The following TRPM7 variants were observed in gnomAD, a reference collection of about 807,000 sequenced individuals.
TRPM7 encodes the protein LTRPC ion channel family member 7.
Under a neutral mutation model 229.7 loss-of-function variants are expected in TRPM7, and 134 were observed. That is an observed-to-expected ratio of 0.58 (90% CI 0.51 to 0.67). The LOEUF (loss-of-function observed/expected upper bound fraction) is 0.67, where lower values mean the gene tolerates loss of function less well. TRPM7 is among the 30% of genes least tolerant of loss of function. The pLI is 0.00. For synonymous variants in TRPM7, 699 were observed against 715.2 expected, an observed-to-expected ratio of 0.98 and a Z score of 0.36; for missense variants, 1,901 against 2,210.0, an observed-to-expected ratio of 0.86 and a Z score of 2.80.
Position 50,580,882 on chromosome 15 carries a change from G to C in TRPM7, c.4584C>G (p.Asn1528Lys), listed in dbSNP as rs759608376. The C allele has an allele frequency of 1.3e-6, 2 of 1,584,670 alleles. No homozygotes were observed. The highest frequency in any genetic ancestry group is 1.2e-5 in the South Asian group (1 of 84,708). ...IPDWLQDRPS[N>K]REMPSEEGTL... ...AGAAAAAGCTTACTTACATTTCTCTGTTTGATGGTCTATCTTGTAACCAAT... is the reference window on the plus strand; with the variant it reads ...AGAAAAAGCTTACTTACATTTCTCTCTTTGATGGTCTATCTTGTAACCAAT... Residue 1528 changes from asparagine to lysine, a missense_variant, in exon 30 of 39, where the codon AAC becomes AAG. This residue lies in a region of TRPM7 where 533 missense variants were observed against 497.1 expected (regional missense o/e 1.07). Transcript: ENST00000646667.
chr15:50,607,347 TTACA>T lies in TRPM7; in HGVS notation c.2581-23_2581-20del. The T allele has an allele frequency of 6.6e-7, 1 of 1,524,000 alleles. No individual in the cohort carries two copies. Among genetic ancestry groups the T allele is most frequent in the Non-Finnish European group, 8.8e-7 (1 of 1,133,284 alleles). 94.4% of individuals were successfully genotyped at this position (1,524,000 alleles called of 1,614,324 possible). On this transcript the variant is annotated intron_variant, in intron 19 of 38. Transcript: ENST00000646667. ...ATGCCAACTAATGAAAAAGTAAAGG[TTACA>T]TAAATAACATTGGTTACAAAATAAA...
intron 3 of TRPM7, among the ~76,000 whole-genome samples, chr15:50,657,436 A>C (rs757992999): frequency 6.6e-6 from 1 of 152,112 alleles, no homozygotes; most frequent in Admixed American, 6.6e-5. Context: ...TGAAACTCTC[A>C]TTTTTCCAGG....
chr15:50,564,330 T>C (rs1566928514), intron 38 of TRPM7, among the ~76,000 whole-genome samples: 2 of 146,318 alleles, frequency 1.4e-5, no homozygotes, highest in East Asian at 4.0e-4. Context: ...CAAGTAGAAA[T>C]ATAGGTAGCT....
In TRPM7 at chr15:50,632,866, T is replaced by C. The variant is rs79443717; in HGVS notation, c.1131+3A>G. The stretch of plus-strand genomic sequence containing the variant: ...TTTTAAATTTCTGCTGAAATCTACT[T>C]ACAAGCTCCTTTCTTTTCATGCACT... On this transcript the variant is annotated splice_donor_region_variant and intron_variant, in intron 9 of 38. Transcript: ENST00000646667. 6,828 of 1,520,372 alleles carry C rather than the reference T, an allele frequency of 4.5e-3. 254 individuals are homozygous for C. The African/African-American group carries it at 0.083, about 18-fold the overall frequency. The allele number at this position is 1,520,372 out of a possible 1,614,324, so 94.2% of individuals were successfully genotyped here.
intron 31 of TRPM7, among the ~76,000 whole-genome samples, chr15:50,576,846 C>T (rs1596077943): frequency 6.6e-6 from 1 of 152,348 alleles, no homozygotes; most frequent in Non-Finnish European, 1.5e-5. Flanking sequence ...TGGCTCACAC[C>T]TATCATCATT....
At chr15:50,604,169 G>C (rs2059857509) in intron 21 of TRPM7, 1 of 152,126 alleles carries the variant, frequency 6.6e-6, no homozygotes, top group South Asian at 2.1e-4. Context: ...TTGACATCTA[G>C]ATTTTAAAAA....
rs563497135 is a variant in TRPM7 at position 50,685,356 on chromosome 15, C to T, written c.3+1175G>A. On this transcript the variant is annotated intron_variant, in intron 1 of 38. Transcript: ENST00000646667. ...GCTACAGTCCCAGCTACTCGGGAGC[C>T]TGAGGCAGGAGAATCGCCTGAATCC... Among the ~76,000 whole-genome samples, 17 of 152,336 alleles carry T rather than the reference C, an allele frequency of 1.1e-4. No individual in the cohort carries two copies. The South Asian group carries it at 3.3e-3, about 30-fold the overall frequency.
chr15:50,583,061 T>C (rs762763710), intron 29 of TRPM7, 28 bp downstream of exon 29: 5 of 1,489,984 alleles, frequency 3.4e-6, no homozygotes, highest in Admixed American at 2.0e-5. Context: ...TTTAATAATA[T>C]ATATCTGTTT....
intron 3 of TRPM7, among the ~76,000 whole-genome samples, chr15:50,654,439 A>G (rs761870104): frequency 2.0e-5 from 3 of 150,802 alleles, no homozygotes; most frequent in Admixed American, 6.6e-5. Context: ...AGAACAAGAC[A>G]CCATCTCAAA....
chr15:50,560,645 AT>A lies in TRPM7; in HGVS notation c.*1032del, dbSNP rs2053274883. 1.3e-5 allele frequency: 2 copies of A among 152,648 alleles called. No individual in the cohort carries two copies. Among genetic ancestry groups the A allele is most frequent in the South Asian group, 4.1e-4 (2 of 4,834 alleles). 9.5% of individuals were successfully genotyped at this position (152,648 alleles called of 1,614,324 possible). On this transcript the variant is annotated 3_prime_UTR_variant, in exon 39 of 39. Transcript: ENST00000646667. ...GGCTGTTAAATTACATTTTATTGGC[AT>A]AAGGTTGCACTGCAATCTGCCAGTA...
chr15:50,632,872 C>A lies in TRPM7; in HGVS notation c.1128G>T (p.Glu376Asp). Residue 376 changes from glutamate (E) to aspartate (D), a missense_variant, in exon 9 of 39, where the codon GAG (glutamate) becomes GAT (aspartate). Glu to Asp is a conservative substitution (Grantham distance 45, BLOSUM62 2). Transcript: ENST00000646667. ...QTLMECMKRK[E>D]LITVFHIGSD... The stretch of plus-strand genomic sequence containing the variant: ...ATTTCTGCTGAAATCTACTTACAAG[C>A]TCCTTTCTTTTCATGCACTCCATCA... 1 of 1,523,660 alleles carries A rather than the reference C, an allele frequency of 6.6e-7. No homozygotes were observed. Among genetic ancestry groups the A allele is most frequent in the African/African-American group, 1.4e-5 (1 of 69,598 alleles). 94.4% of individuals were successfully genotyped at this position (1,523,660 alleles called of 1,614,324 possible). A position where few individuals can be genotyped will look rare whatever the true frequency, so the allele number is the denominator to read the frequency against.
chr15:50,635,986 GA>G (rs200610049), intron 7 of TRPM7, among the ~76,000 whole-genome samples: 23 of 144,592 alleles, frequency 1.6e-4, no homozygotes, highest in South Asian at 2.2e-4. Context: ...CTCAAAAAAA[GA>G]AAAAAAAAAT....
intron 21 of TRPM7, among the ~76,000 whole-genome samples, chr15:50,600,900 T>C (rs192172281): frequency 1.2e-3 from 178 of 152,350 alleles, no homozygotes; most frequent in Non-Finnish European, 2.0e-3. Context: ...TCTCTGCAAC[T>C]TGCAGAGGCC....
chr15:50,673,814 A>C (rs1396311151), intron 1 of TRPM7, among the ~76,000 whole-genome samples: 7 of 152,176 alleles, frequency 4.6e-5, no homozygotes, highest in Admixed American at 4.6e-4. Flanking sequence ...TGCTGTATCA[A>C]ATGGTATCCT....
chr15:50,666,070 A>G (rs1465748194), intron 1 of TRPM7, among the ~76,000 whole-genome samples: 1 of 152,202 alleles, frequency 6.6e-6, no homozygotes, highest in African/African-American at 2.4e-5. Context: ...GAAAGAATAA[A>G]GTCAAAGGAA....
chr15:50,611,072 C>T (rs760139588), intron 17 of TRPM7, 21 bp downstream of exon 17: 1 of 1,556,046 alleles, frequency 6.4e-7, no homozygotes, highest in East Asian at 2.2e-5. Flanking sequence ...TGCTTTATAT[C>T]AAATTATTTC....
intron 21 of TRPM7, among the ~76,000 whole-genome samples, chr15:50,600,619 C>G (rs2059755408): frequency 6.6e-6 from 1 of 151,988 alleles, no homozygotes; most frequent in African/African-American, 2.4e-5. Context: ...GTAATGACAA[C>G]TTAAAATAAA....
At chr15:50,603,012 C>T (rs1273412556) in intron 21 of TRPM7, among the ~76,000 whole-genome samples, 3 of 152,104 alleles carry the variant, frequency 2.0e-5, no homozygotes, top group Non-Finnish European at 2.9e-5. Flanking sequence ...TTTTTGCATG[C>T]TAAAATGTTA....
chr15:50,628,497 A>C (rs1263944547), intron 10 of TRPM7, among the ~76,000 whole-genome samples: 1 of 152,066 alleles, frequency 6.6e-6, no homozygotes, highest in Non-Finnish European at 1.5e-5. Flanking sequence ...TTGTAGAGAC[A>C]GTCTCACTCT....
Sources: gnomAD v4.1 joint callset for allele counts (sites outside exome capture counted in the v4.1 genomes callset) on GRCh38, gnomAD v4.1.1 for gene constraint, gnomAD v4.1.1 regional missense constraint, MANE v1.5 for transcripts, NCBI Gene and HGNC (gene_info 2026-07-23, HGNC 2026-07-21) for gene names.